Variants in IL23R observed in about 807,000 individuals in gnomAD.
IL23R encodes interleukin 23 receptor.
A neutral mutation model predicts 56.9 loss-of-function variants in IL23R; 34 were observed. That is an observed-to-expected ratio of 0.60 (90% CI 0.45 to 0.80). IL23R has a LOEUF of 0.80. Ranked by LOEUF, IL23R falls within the 30% of genes least tolerant of loss-of-function variation. IL23R has a pLI of 0.00. For missense variants in IL23R, 635 were observed against 730.0 expected, an observed-to-expected ratio of 0.87 and a Z score of 1.50; for synonymous variants, 230 against 249.2, an observed-to-expected ratio of 0.92 and a Z score of 0.73.
chr1:67,170,083 C>A (rs1185858415), intron 3 of IL23R, among the ~76,000 whole-genome samples: 1 of 152,066 alleles, frequency 6.6e-6, no homozygotes, highest in East Asian at 1.9e-4. Context: ...GAAGCAGATC[C>A]CATTGAGAAA....
chr1:67,209,150 T>C (rs1281070635), intron 6 of IL23R, among the ~76,000 whole-genome samples: 2 of 152,198 alleles, frequency 1.3e-5, no homozygotes, highest in African/African-American at 4.8e-5. Flanking sequence ...CCTCATTGTA[T>C]CTAGGAAGTA....
At chr1:67,163,490 A>G (rs1296513937), upstream of IL23R, among the ~76,000 whole-genome samples, 1 of 150,506 alleles carries the variant, frequency 6.6e-6, no homozygotes, top group East Asian at 1.9e-4. Context: ...AAAAAAAAAA[A>G]AAAAAAAAGA....
At chr1:67,246,067 A>G (rs56877575) in intron 9 of IL23R, among the ~76,000 whole-genome samples, 43,542 of 152,012 alleles carry the variant, frequency 0.29, 7,125 homozygotes, top group African/African-American at 0.43. Context: ...GAATTTATCC[A>G]TTTCTTCTAG....
chr1:67,168,021 G>T, intron 1 of IL23R, 71 bp from the exon 2 acceptor site: 4 of 868,132 alleles, frequency 4.6e-6, no homozygotes, highest in South Asian at 1.5e-5. Flanking sequence ...AATTCTTAGG[G>T]AAAAATGTTA....
intron 9 of IL23R, among the ~76,000 whole-genome samples, chr1:67,243,718 A>C (rs1652009643): frequency 6.6e-6 from 1 of 152,180 alleles, no homozygotes; most frequent in Non-Finnish European, 1.5e-5. Context: ...TTTGATGTGC[A>C]TTTGGGTTGG....
At chr1:67,241,184 A>C (rs2100332067) in intron 9 of IL23R, among the ~76,000 whole-genome samples, 1 of 152,308 alleles carries the variant, frequency 6.6e-6, no homozygotes, top group East Asian at 1.9e-4. Context: ...AACTTTAGTC[A>C]TTGATGTCAC....
At chr1:67,154,323 T>C (rs1185747839) in intron 1 of IL23R, among the ~76,000 whole-genome samples, 1 of 152,216 alleles carries the variant, frequency 6.6e-6, no homozygotes, top group East Asian at 1.9e-4. Flanking sequence ...GTTAATTCTC[T>C]GTCTCGTTGA....
At chr1:67,223,109 C>G (rs1355557679) in intron 7 of IL23R, among the ~76,000 whole-genome samples, 2 of 152,042 alleles carry the variant, frequency 1.3e-5, no homozygotes, top group Non-Finnish European at 2.9e-5. Flanking sequence ...CAAAAATTAA[C>G]TGGGTGTGGT....
chr1:67,216,164 T>C (rs1649820353), intron 6 of IL23R, among the ~76,000 whole-genome samples: 1 of 152,228 alleles, frequency 6.6e-6, no homozygotes, highest in Non-Finnish European at 1.5e-5. Flanking sequence ...CCGTATACTC[T>C]GTTTCAGGGC....
intron 6 of IL23R, among the ~76,000 whole-genome samples, chr1:67,216,386 C>T (rs542143669): frequency 6.6e-6 from 1 of 152,218 alleles, no homozygotes; most frequent in South Asian, 2.1e-4. Context: ...GTGACAGAGG[C>T]AGGGAAATCT....
At position 67,204,251 on chromosome 1, in the gene IL23R, G is replaced by T. The variant is rs529121825; in HGVS notation, c.653-2659G>T. Among the ~76,000 whole-genome samples, 3 of 152,216 alleles carry T rather than the reference G, an allele frequency of 2.0e-5. No homozygotes were observed. The South Asian group carries it at 6.2e-4, about 32-fold the overall frequency. On this transcript the variant is annotated intron_variant, in intron 5 of 10. Transcript: ENST00000347310. ...GCTAATTTTTTGTATTTTTAGTAGAGATGGGGTTTCACCATGTTAGCCAGG... is the reference window on the plus strand; with the variant it reads ...GCTAATTTTTTGTATTTTTAGTAGATATGGGGTTTCACCATGTTAGCCAGG...
chr1:67,202,193 T>G (rs4614232), intron 5 of IL23R, among the ~76,000 whole-genome samples: 62,871 of 152,010 alleles, frequency 0.41, 13,310 homozygotes, highest in Admixed American at 0.49. Flanking sequence ...AGCACTTTCT[T>G]ATGTGCTAAC....
rs552743416 is a variant in IL23R, at chr1:67,224,543, T to G, written c.955+4813T>G. 2.8e-3 allele frequency among the ~76,000 whole-genome samples: 433 copies of G among 152,340 alleles called. 3 individuals are homozygous for G. The highest frequency in any genetic ancestry group is 0.01 in the African/African-American group (421 of 41,586). ...ATCCTGAAGTGGGTATGGCTTGTCCTGCAGCCTCGGCATTCTTATTCTTTT... is the reference window on the plus strand; with the variant it reads ...ATCCTGAAGTGGGTATGGCTTGTCCGGCAGCCTCGGCATTCTTATTCTTTT... On this transcript the variant is annotated intron_variant, in intron 7 of 10. Transcript: ENST00000347310.
chr1:67,190,346 G>T (rs1035798780), intron 4 of IL23R, among the ~76,000 whole-genome samples: 8 of 151,622 alleles, frequency 5.3e-5, no homozygotes, highest in Non-Finnish European at 8.8e-5. Flanking sequence ...GCTCCTTTGC[G>T]GTGGCCTCAC....
At chr1:67,190,149 A>C (rs985078552) in intron 4 of IL23R, among the ~76,000 whole-genome samples, 6 of 152,216 alleles carry the variant, frequency 3.9e-5, no homozygotes, top group Non-Finnish European at 5.9e-5. Context: ...CATGTGGTTC[A>C]GTTTTCCAGT....
chr1:67,237,366 GGC>G (rs1468234718), intron 8 of IL23R, among the ~76,000 whole-genome samples: 2 of 152,172 alleles, frequency 1.3e-5, no homozygotes, highest in African/African-American at 4.8e-5. Context: ...TAGCTGCTAG[GGC>G]TCAAGACCCA....
intron 5 of IL23R, among the ~76,000 whole-genome samples, chr1:67,204,202 T>C (rs1038436194): frequency 5.3e-5 from 8 of 152,210 alleles, no homozygotes; most frequent in African/African-American, 1.9e-4. Flanking sequence ...TAGCTGGGAC[T>C]ACAGGCGCCA....
intron 4 of IL23R, among the ~76,000 whole-genome samples, chr1:67,198,068 G>A (rs1648304839): frequency 6.6e-6 from 1 of 152,034 alleles, no homozygotes; most frequent in Non-Finnish European, 1.5e-5. Context: ...AGAGGGAGGG[G>A]GGATATGCCA....
intron 6 of IL23R, among the ~76,000 whole-genome samples, chr1:67,216,201 G>A (rs975127244): frequency 2.0e-5 from 3 of 152,164 alleles, no homozygotes; most frequent in Admixed American, 2.0e-4. Flanking sequence ...ATACTTGCCT[G>A]TTTACACTTC....
Sources: allele counts gnomAD v4.1 joint callset (sites outside exome capture counted in the v4.1 genomes callset), GRCh38; gene constraint gnomAD v4.1.1; transcripts MANE v1.5; gene names NCBI Gene and HGNC (gene_info 2026-07-23, HGNC 2026-07-21).